Variants in NLRC5 observed in about 807,000 individuals in gnomAD.
NLRC5 encodes NLR family CARD domain containing 5.
In NLRC5, 114 loss-of-function variants were observed where a neutral mutation model predicts 206.9. The observed-to-expected ratio is 0.55, with a 90% CI of 0.47 to 0.64. The LOEUF (loss-of-function observed/expected upper bound fraction) is 0.64. Among genes scored for constraint, NLRC5 ranks in the 30% least tolerant of loss-of-function variants. NLRC5 has a pLI of 0.00. For missense variants in NLRC5, 2,008 were observed against 2,305.5 expected (o/e 0.87, Z 2.64); for synonymous variants, 952 against 962.8 (o/e 0.99, Z 0.21).
chr16:57,080,966 C>A, intron 46 of NLRC5, 132 bp from the exon 47 acceptor site: 1 of 701,392 alleles, frequency 1.4e-6, no homozygotes, highest in Non-Finnish European at 2.4e-6. Flanking sequence ...CACACAAGCA[C>A]CCTATCAGGT....
chr16:57,034,077 GC>G, intron 12 of NLRC5, 90 bp from the exon 13 acceptor site: 4 of 1,042,418 alleles, frequency 3.8e-6, no homozygotes. Context: ...AGGTCTGTGG[GC>G]CCCCTGACTC....
intron 33 of NLRC5, 75 bp from the exon 34 acceptor site, chr16:57,066,459 C>T (rs1283805945): frequency 1.0e-5 from 13 of 1,291,090 alleles, no homozygotes; most frequent in African/African-American, 1.5e-5. Context: ...GAGTTGGAGC[C>T]GGGCAGCCCA....
At chr16:57,079,518 C>A (rs1461094095) in intron 45 of NLRC5, 28 bp from the exon 46 acceptor site, 1 of 1,597,978 alleles carries the variant, frequency 6.3e-7, no homozygotes, top group African/African-American at 1.3e-5. Context: ...CAACCCCCAT[C>A]CCATCCCATG....
Position 57,065,262 on chromosome 16 carries a change from T to A in NLRC5, c.4205T>A (p.Val1402Asp), listed in dbSNP as rs1288884046. The A allele has an allele frequency of 6.3e-7, 1 of 1,584,240 alleles. No individual in the cohort carries two copies. Among genetic ancestry groups the A allele is most frequent in the Non-Finnish European group, 8.6e-7 (1 of 1,162,956 alleles). ...DRARVLSLLE[V>D]CAQASGSVTE... ...GCCAGGGTTCTCTCCCTGTTAGAAGTCTGCGCCCAGGCCTCAGGCAGTGTC... is the reference window on the plus strand; with the variant it reads ...GCCAGGGTTCTCTCCCTGTTAGAAGACTGCGCCCAGGCCTCAGGCAGTGTC... Residue 1402 changes from valine to aspartate, a missense_variant, in exon 33 of 49, where the codon GTC becomes GAC. Physicochemically the swap from Val to Asp is radical, Grantham distance 152. Coordinates refer to ENST00000688547, the MANE Select transcript of NLRC5 (RefSeq NM_001384950.1).
intron 1 of NLRC5, among the ~76,000 whole-genome samples, chr16:57,006,383 A>G (rs576035499): frequency 9.1e-5 from 13 of 143,380 alleles, no homozygotes; most frequent in Admixed American, 8.5e-4. Context: ...ATACCATTCC[A>G]TATCATTCCA....
chr16:57,062,126 T>A, intron 32 of NLRC5: 1 of 978,880 alleles, frequency 1.0e-6, no homozygotes, highest in South Asian at 1.4e-5. Context: ...CATACTTTTT[T>A]TATATTTGCT....
chr16:57,081,026 A>T, intron 46 of NLRC5, 72 bp from the exon 47 acceptor site: 1 of 1,381,854 alleles, frequency 7.2e-7, no homozygotes, highest in South Asian at 1.2e-5. Context: ...TGCTTTCCCC[A>T]TTCACTGCCT....
intron 22 of NLRC5, 116 bp downstream of exon 22, chr16:57,046,757 T>G: frequency 1.2e-6 from 1 of 837,090 alleles, no homozygotes; most frequent in Non-Finnish European, 1.9e-6. Context: ...GAGAGGGAGT[T>G]TAAGAGAAAA....
At chr16:57,055,184 G>A in intron 26 of NLRC5, 90 bp downstream of exon 26, 2 of 1,352,830 alleles carry the variant, frequency 1.5e-6, no homozygotes, top group Non-Finnish European at 1.1e-6. Flanking sequence ...TATGCAGACT[G>A]CCTACCACAA....
intron 1 of NLRC5, among the ~76,000 whole-genome samples, chr16:57,007,623 G>T (rs986217006): frequency 2.0e-5 from 3 of 152,140 alleles, no homozygotes; most frequent in African/African-American, 7.2e-5. Context: ...CCAGCTATTG[G>T]GAGGCTGAGG....
At chr16:57,018,227 T>G (rs1017113524) in intron 2 of NLRC5, among the ~76,000 whole-genome samples, 2 of 152,244 alleles carry the variant, frequency 1.3e-5, no homozygotes, top group Non-Finnish European at 2.9e-5. Flanking sequence ...TGCCCTAGGC[T>G]ATGGCCACAT....
chr16:56,993,091 A>G (rs1432062794), intron 1 of NLRC5, among the ~76,000 whole-genome samples: 1 of 150,234 alleles, frequency 6.7e-6, no homozygotes, highest in Non-Finnish European at 1.5e-5. Context: ...AAACATGGAT[A>G]TATACATATA....
rs117975397 is a variant in NLRC5 at position 57,000,739 on chromosome 16, C to T, written c.-128+11122C>T. ...ACAGTCACCCCTGCATCATCACTGA[C>T]TCACAGAAATGGATATGCCCTATAA... On this transcript the variant is annotated intron_variant, in intron 1 of 48. Transcript: ENST00000688547. 8.8e-3 allele frequency among the ~76,000 whole-genome samples: 1,345 copies of T among 152,298 alleles called. 8 individuals carry two copies. The highest frequency in any genetic ancestry group is 0.014 in the Non-Finnish European group (953 of 68,026).
At chr16:57,050,379 T>C (rs1271115677) in intron 23 of NLRC5, among the ~76,000 whole-genome samples, 1 of 152,136 alleles carries the variant, frequency 6.6e-6, no homozygotes, top group Non-Finnish European at 1.5e-5. Context: ...CCAGTTGATG[T>C]AGGGCCCCTG....
At chr16:57,030,437 A>ATG (rs1367170997) in intron 10 of NLRC5, among the ~76,000 whole-genome samples, 1 of 14,712 alleles carries the variant, frequency 6.8e-5, no homozygotes. Flanking sequence ...GGTGGATGAA[A>ATG]AGATGGATGG....
chr16:57,017,832 G>A (rs2060244869), intron 2 of NLRC5, among the ~76,000 whole-genome samples: 1 of 152,156 alleles, frequency 6.6e-6, no homozygotes, highest in Non-Finnish European at 1.5e-5. Flanking sequence ...CTAGAAAGAG[G>A]AGAAAGAGTA....
chr16:57,033,098 G>A (rs1264861621), intron 11 of NLRC5, among the ~76,000 whole-genome samples: 4 of 152,140 alleles, frequency 2.6e-5, no homozygotes, highest in African/African-American at 9.7e-5. Context: ...CAGCCCAGTG[G>A]GAGAGAGTCT....
intron 1 of NLRC5, among the ~76,000 whole-genome samples, chr16:56,990,262 G>T (rs913858362): frequency 6.6e-6 from 1 of 152,186 alleles, no homozygotes; most frequent in African/African-American, 2.4e-5. Context: ...ACAAATGGCA[G>T]ACAGCATAGC....
chr16:57,065,285 G>T lies in NLRC5; in HGVS notation c.4228G>T (p.Val1410Phe). ...LEVCAQASGS[V>F]TEISISETQQ... ...AGTCTGCGCCCAGGCCTCAGGCAGT[G>T]TCACTGAAATCAGGTGAGTCCAGAG... The change falls in exon 33 of 49, where the codon GTC (valine) becomes TTC (phenylalanine). Residue 1410 changes from valine (V) to phenylalanine (F), a missense_variant. By Grantham distance (50) the Val-to-Phe change is conservative (BLOSUM62 -1). Transcript: ENST00000688547. 1 of 1,579,090 alleles carries T rather than the reference G, an allele frequency of 6.3e-7. No individual in the cohort carries two copies. Among genetic ancestry groups the T allele is most frequent in the Non-Finnish European group, 8.6e-7 (1 of 1,159,840 alleles).
Sources: gnomAD v4.1 joint callset for allele counts (sites outside exome capture counted in the v4.1 genomes callset) on GRCh38, gnomAD v4.1.1 for gene constraint, MANE v1.5 for transcripts, NCBI Gene and HGNC (gene_info 2026-07-23, HGNC 2026-07-21) for gene names.